The following CTNND2 variants were observed in gnomAD, a reference collection of about 807,000 sequenced individuals.
The protein encoded by CTNND2 is catenin delta-2.
A neutral mutation model predicts 144.4 loss-of-function variants in CTNND2; 22 were observed. That is an observed-to-expected ratio of 0.15 (90% CI 0.11 to 0.22). CTNND2 has a LOEUF of 0.22. Among genes scored for constraint, CTNND2 ranks in the 10% least tolerant of loss-of-function variants. CTNND2 has a pLI of 1.00. For missense variants in CTNND2, 1,353 were observed against 1,618.8 expected (o/e 0.84, Z 2.82); for synonymous variants, 751 against 695.6 (o/e 1.08, Z -1.25).
chr5:11,190,861 C>T (rs1386771520), intron 11 of CTNND2, among the ~76,000 whole-genome samples: 2 of 152,152 alleles, frequency 1.3e-5, no homozygotes, highest in African/African-American at 2.4e-5. Flanking sequence ...AGCATATTGC[C>T]TCTAGTGCAA....
intron 2 of CTNND2, among the ~76,000 whole-genome samples, chr5:11,705,162 C>A (rs1785634496): frequency 6.6e-6 from 1 of 152,140 alleles, no homozygotes; most frequent in African/African-American, 2.4e-5. Flanking sequence ...AACCAAATGC[C>A]TGAACAGGAC....
chr5:11,694,217 C>T (rs922875457), intron 2 of CTNND2, among the ~76,000 whole-genome samples: 2 of 151,958 alleles, frequency 1.3e-5, no homozygotes, highest in African/African-American at 2.4e-5. Flanking sequence ...GGGTGGATCA[C>T]GAGGTCAGGA....
intron 1 of CTNND2, among the ~76,000 whole-genome samples, chr5:11,856,162 T>G (rs1795241671): frequency 6.6e-6 from 1 of 151,910 alleles, no homozygotes; most frequent in Admixed American, 6.6e-5. Flanking sequence ...TGGGAGTTTA[T>G]AATATTATAA....
At chr5:11,368,584 G>A (rs1432720900) in intron 7 of CTNND2, among the ~76,000 whole-genome samples, 1 of 152,212 alleles carries the variant, frequency 6.6e-6, no homozygotes, top group Admixed American at 6.5e-5. Flanking sequence ...CAACTACTAT[G>A]AAGAATCATG....
At chr5:11,789,550 G>A (rs763613383) in intron 1 of CTNND2, among the ~76,000 whole-genome samples, 34 of 151,990 alleles carry the variant, frequency 2.2e-4, no homozygotes, top group Non-Finnish European at 3.8e-4. Flanking sequence ...CTGGTATAGA[G>A]GAAAGCTATT....
intron 1 of CTNND2, among the ~76,000 whole-genome samples, chr5:11,797,714 C>T (rs1234720703): frequency 1.3e-5 from 2 of 152,050 alleles, no homozygotes; most frequent in African/African-American, 4.8e-5. Flanking sequence ...TTGCTAGTAT[C>T]CTAGAAATTT....
At chr5:11,573,883 G>C (rs1339938256) in intron 2 of CTNND2, among the ~76,000 whole-genome samples, 1 of 152,070 alleles carries the variant, frequency 6.6e-6, no homozygotes, top group Non-Finnish European at 1.5e-5. Context: ...CAAATGCCTT[G>C]TTAGCCAAAT....
Position 11,604,456 on chromosome 5 carries a change from T to C in CTNND2, c.175-39400A>G, listed in dbSNP as rs139441459. On this transcript the variant is annotated intron_variant, in intron 2 of 21. Coordinates refer to ENST00000304623, the MANE Select transcript of CTNND2 (RefSeq NM_001332.4). ...GAGATTCAAGAATGGGAGTGACTCA[T>C]GTCAAGCCCCGAAGCTGATGTCTTG... 1.6e-4 allele frequency among the ~76,000 whole-genome samples: 24 copies of C among 152,320 alleles called. No homozygotes were observed. The East Asian group carries it at 3.7e-3, about 23-fold the overall frequency.
At chr5:11,459,400 T>A (rs907809991) in intron 3 of CTNND2, among the ~76,000 whole-genome samples, 2 of 152,160 alleles carry the variant, frequency 1.3e-5, no homozygotes, top group Admixed American at 6.5e-5. Context: ...AACCCCACCA[T>A]AGGAGACTCT....
chr5:11,098,128 G>GTTCTT (rs3032097), intron 15 of CTNND2, among the ~76,000 whole-genome samples: 44 of 151,422 alleles, frequency 2.9e-4, no homozygotes, highest in Admixed American at 5.9e-4. Flanking sequence ...AACATAAGGG[G>GTTCTT]TTCTTTTCTT....
intron 13 of CTNND2, 58 bp from the exon 14 acceptor site, chr5:11,111,101 T>C: frequency 6.5e-7 from 1 of 1,535,602 alleles, no homozygotes; most frequent in South Asian, 1.2e-5. Flanking sequence ...CAGCACTCCA[T>C]TCTTCCACCT....
chr5:11,265,070 T>C (rs1745302072), intron 9 of CTNND2, among the ~76,000 whole-genome samples: 1 of 152,140 alleles, frequency 6.6e-6, no homozygotes, highest in Non-Finnish European at 1.5e-5. Flanking sequence ...AATTATATAT[T>C]TTAGAACTAT....
At chr5:10,986,631 TA>T (rs1355193198) in intron 20 of CTNND2, 1 of 455,958 alleles carries the variant, frequency 2.2e-6, no homozygotes, top group East Asian at 6.9e-5. Context: ...TGAATGTGAA[TA>T]GTAACCTAGA....
intron 1 of CTNND2, among the ~76,000 whole-genome samples, chr5:11,855,903 A>C (rs1795229759): frequency 1.3e-5 from 2 of 152,216 alleles, no homozygotes; most frequent in Admixed American, 1.3e-4. Context: ...AGAGAGAATA[A>C]AGGATATTGC....
intron 1 of CTNND2, among the ~76,000 whole-genome samples, chr5:11,787,611 T>C (rs545552024): frequency 2.6e-5 from 4 of 152,364 alleles, no homozygotes; most frequent in Non-Finnish European, 2.9e-5. Flanking sequence ...GAAAGTATTA[T>C]TGGAACTCCA....
chr5:11,725,044 A>C (rs1408056358), intron 2 of CTNND2, among the ~76,000 whole-genome samples: 5 of 152,176 alleles, frequency 3.3e-5, no homozygotes, highest in Non-Finnish European at 5.9e-5. Context: ...GGAGGATGCT[A>C]ATCTTCACTT....
chr5:11,061,863 C>A (rs995103322), intron 16 of CTNND2, among the ~76,000 whole-genome samples: 4 of 152,136 alleles, frequency 2.6e-5, no homozygotes, highest in African/African-American at 9.7e-5. Context: ...CACCCACTAC[C>A]ACACCCGGCT....
At chr5:11,135,785 A>G (rs7731822) in intron 12 of CTNND2, among the ~76,000 whole-genome samples, 93,691 of 151,906 alleles carry the variant, frequency 0.62, 28,947 homozygotes, top group East Asian at 0.73. Flanking sequence ...ACTCTCCTAC[A>G]TGCACTGGCC....
At chr5:11,304,896 G>A (rs1421109679) in intron 9 of CTNND2, among the ~76,000 whole-genome samples, 1 of 152,226 alleles carries the variant, frequency 6.6e-6, no homozygotes, top group African/African-American at 2.4e-5. Flanking sequence ...GAAAAGAACC[G>A]AGTTTAAGAA....
Sources: allele counts gnomAD v4.1 joint callset (sites outside exome capture counted in the v4.1 genomes callset), GRCh38; gene constraint gnomAD v4.1.1; transcripts MANE v1.5; gene names NCBI Gene and HGNC (gene_info 2026-07-23, HGNC 2026-07-21).